Variants in IRF8 observed in about 807,000 individuals in gnomAD.
IRF8 encodes interferon consensus sequence binding protein 1.
A neutral mutation model predicts 48.7 loss-of-function variants in IRF8; 14 were observed. The observed-to-expected ratio is 0.29, with a 90% confidence interval of 0.19 to 0.45. The LOEUF is 0.45. IRF8 is among the 20% of genes least tolerant of loss of function. The pLI is 1.00. For synonymous variants in IRF8, 278 were observed against 227.3 expected (o/e 1.22, Z -2.01); for missense variants, 493 against 580.7 (o/e 0.85, Z 1.55).
Position 85,918,485 on chromosome 16 carries a change from C to A in IRF8, c.670C>A (p.Pro224Thr), listed in dbSNP as rs769407228. 32 of 1,591,300 alleles carry A rather than the reference C, an allele frequency of 2.0e-5. No homozygotes were observed. The highest frequency in any genetic ancestry group is 5.6e-5 in the South Asian group (5 of 89,880). The change falls in exon 7 of 9, where the codon CCC becomes ACC. Residue 224 changes from proline to threonine, a missense_variant. Transcript: ENST00000268638. ...KLVGQATTTC[P>T]EGCRLSLSQP... is the part of the protein sequence containing the mutation. ...GGTGGGCCAGGCCACCACCACCTGC[C>A]CCGAGGGCTGCCGCCTGTCCCTGAG...
At chr16:85,901,100 T>G (rs954231607) in intron 1 of IRF8, 1 of 152,466 alleles carries the variant, frequency 6.6e-6, no homozygotes, top group African/African-American at 2.4e-5. Flanking sequence ...GCTAACTTGT[T>G]TTCGGGGAGT....
rs1310226478 is a variant in IRF8 at position 85,918,644 on chromosome 16, G to A, written c.829G>A (p.Gly277Arg). The stretch of plus-strand genomic sequence containing the variant: ...GAAGCTGTTCGGGCACCTGGAGCGC[G>A]GGGTGCTGCTGCACAGCAGCCGGCA... ...TRKLFGHLER[G>R]VLLHSSRQGV... is the part of the protein sequence containing the mutation. Residue 277 changes from glycine (G) to arginine (R), a missense_variant, in exon 7 of 9, where the codon GGG becomes AGG. Physicochemically the swap from Gly to Arg is moderately radical, Grantham distance 125. Coordinates refer to ENST00000268638, the MANE Select transcript of IRF8 (RefSeq NM_002163.4). 4 of 1,609,284 alleles carry A rather than the reference G, an allele frequency of 2.5e-6. No individual in the cohort carries two copies. Among genetic ancestry groups the A allele is most frequent in the East Asian group, 2.2e-5 (1 of 44,890 alleles).
intron 5 of IRF8, among the ~76,000 whole-genome samples, chr16:85,913,692 C>G (rs950389593): frequency 1.7e-4 from 26 of 152,220 alleles, no homozygotes; most frequent in African/African-American, 6.0e-4. Context: ...AGAACTCAGA[C>G]CAGGAACAGG....
chr16:85,911,708 A>T lies in IRF8; in HGVS notation c.447+50A>T, dbSNP rs1471348160. On this transcript the variant is annotated intron_variant, in intron 4 of 8. Transcript: ENST00000268638. ...GTCTGGCCCTGCCAGGAGGAGTCTC[A>T]TGTCTTCTGGCAGGGAGGGGCACCG... 4.6e-6 allele frequency: 7 copies of T among 1,516,920 alleles called. No individual in the cohort carries two copies. In the African/African-American group the frequency reaches 8.2e-5, roughly 18 times the overall value. The allele number at this position is 1,516,920 out of a possible 1,614,324, so 94.0% of individuals were successfully genotyped here.
At chr16:85,917,229 A>G (rs1362091573) in intron 6 of IRF8, among the ~76,000 whole-genome samples, 1 of 152,204 alleles carries the variant, frequency 6.6e-6, no homozygotes, top group Admixed American at 6.5e-5. Flanking sequence ...TCCACAAGGC[A>G]GCCTCGAACC....
At chr16:85,917,225 A>AG (rs908964922) in intron 6 of IRF8, among the ~76,000 whole-genome samples, 15 of 152,216 alleles carry the variant, frequency 9.9e-5, no homozygotes, top group African/African-American at 3.4e-4. Context: ...TGGCTCCACA[A>AG]GGCAGCCTCG....
chr16:85,899,644 C>T (rs936479036), intron 1 of IRF8, among the ~76,000 whole-genome samples: 2 of 152,104 alleles, frequency 1.3e-5, no homozygotes, highest in Non-Finnish European at 2.9e-5. Context: ...CCAGTCGTTA[C>T]TGAGGGTTAG....
intron 2 of IRF8, among the ~76,000 whole-genome samples, chr16:85,906,221 C>A (rs1270465204): frequency 6.6e-6 from 1 of 152,146 alleles, no homozygotes; most frequent in Non-Finnish European, 1.5e-5. Flanking sequence ...ATGAAACAAT[C>A]ATATTAAATT....
At chr16:85,909,215 C>G in intron 3 of IRF8, 42 bp downstream of exon 3, 3 of 1,567,846 alleles carry the variant, frequency 1.9e-6, no homozygotes, top group Non-Finnish European at 2.6e-6. Context: ...AGAAGCTGCC[C>G]TGGCCTGTAG....
At chr16:85,905,638 G>C (rs1904976793) in intron 2 of IRF8, among the ~76,000 whole-genome samples, 1 of 152,182 alleles carries the variant, frequency 6.6e-6, no homozygotes, top group Admixed American at 6.5e-5. Context: ...CCTGAGCTAT[G>C]CTTCTTCCCA....
chr16:85,916,629 T>G (rs1905316842), intron 6 of IRF8, among the ~76,000 whole-genome samples: 1 of 152,156 alleles, frequency 6.6e-6, no homozygotes, highest in Non-Finnish European at 1.5e-5. Context: ...AGCTGCCAGT[T>G]CACATGACTG....
At chr16:85,899,649 G>A (rs1904763147) in intron 1 of IRF8, among the ~76,000 whole-genome samples, 1 of 152,134 alleles carries the variant, frequency 6.6e-6, no homozygotes, top group Non-Finnish European at 1.5e-5. Flanking sequence ...CGTTACTGAG[G>A]GTTAGTTTGT....
At chr16:85,913,306 G>A (rs938470860) in intron 5 of IRF8, 70 bp downstream of exon 5, 2 of 1,080,506 alleles carry the variant, frequency 1.9e-6, no homozygotes, top group Admixed American at 3.4e-5. Flanking sequence ...ACCAGCCAGG[G>A]ACGGAGTGGG....
At chr16:85,916,868 G>C (rs1905326322) in intron 6 of IRF8, among the ~76,000 whole-genome samples, 1 of 152,258 alleles carries the variant, frequency 6.6e-6, no homozygotes, top group Middle Eastern at 3.4e-3. Context: ...ATGGTGAGCA[G>C]GGAAGAGCGA....
At chr16:85,912,781 T>A (rs917632484) in intron 4 of IRF8, among the ~76,000 whole-genome samples, 4 of 152,242 alleles carry the variant, frequency 2.6e-5, no homozygotes, top group Non-Finnish European at 5.9e-5. Context: ...TTGGCCAGCA[T>A]CACTGTTCAC....
chr16:85,911,576 T>G lies in IRF8; in HGVS notation c.365T>G (p.Leu122Arg). ...IVPEEEQKCK[L>R]GVATAGCVNE... ...TTTGTCTGGTTTTCTGTAGGCAAACTAGGCGTGGCAACTGCTGGCTGCGTG... is the reference window on the plus strand; with the variant it reads ...TTTGTCTGGTTTTCTGTAGGCAAACGAGGCGTGGCAACTGCTGGCTGCGTG... The change falls in exon 4 of 9, where the codon CTA becomes CGA. Residue 122 changes from leucine to arginine, a missense_variant. Leu to Arg is a moderately radical substitution (Grantham distance 102). Around this residue, in one of 3 missense-constraint regions of IRF8, gnomAD observed 408 missense variants for 449.6 expected, o/e 0.91. Transcript: ENST00000268638. The G allele has an allele frequency of 6.2e-7, 1 of 1,614,026 alleles. No individual in the cohort carries two copies. Among genetic ancestry groups the G allele is most frequent in the Non-Finnish European group, 8.5e-7 (1 of 1,179,878 alleles).
chr16:85,903,525 C>T (rs1319949192), intron 2 of IRF8: 1 of 351,378 alleles, frequency 2.8e-6, no homozygotes, highest in Non-Finnish European at 5.4e-6. Context: ...CCACGGGCTT[C>T]CATTAGAGGC....
In IRF8 at chr16:85,918,217, T is replaced by A. The variant is rs1905383536; in HGVS notation, c.602-200T>A. On this transcript the variant is annotated intron_variant, in intron 6 of 8. Coordinates refer to ENST00000268638, the MANE Select transcript of IRF8 (RefSeq NM_002163.4). ...TAGTTAATATGTTCAGTCATTGGTTTCCTTAGTCATTCTGTGTATTTATTC... is the reference window on the plus strand; with the variant it reads ...TAGTTAATATGTTCAGTCATTGGTTACCTTAGTCATTCTGTGTATTTATTC... The A allele has an allele frequency of 2.5e-5, 15 of 598,626 alleles. No individual in the cohort carries two copies. In the South Asian group the frequency reaches 3.4e-4, roughly 14 times the overall value. The allele number at this position is 598,626 out of a possible 1,614,324, so 37.1% of individuals were successfully genotyped here.
rs1905569212 is a variant in IRF8 at position 85,921,486 on chromosome 16, C to T, written c.*204C>T. On this transcript the variant is annotated 3_prime_UTR_variant, in exon 9 of 9. Coordinates refer to ENST00000268638, the MANE Select transcript of IRF8 (RefSeq NM_002163.4). Reference sequence around the variant, plus strand: ...GCCCTGCCGAGATGTCGGTGATGGCCTGGATGCTGTAACCACAACCTGTGG... The same window carrying T: ...GCCCTGCCGAGATGTCGGTGATGGCTTGGATGCTGTAACCACAACCTGTGG... 7 of 620,610 alleles carry T rather than the reference C, an allele frequency of 1.1e-5. No individual in the cohort carries two copies. The highest frequency in any genetic ancestry group is 1.1e-4 in the East Asian group (4 of 35,526). 38.4% of individuals were successfully genotyped at this position (620,610 alleles called of 1,614,324 possible).
Sources: gnomAD v4.1 joint callset for allele counts (sites outside exome capture counted in the v4.1 genomes callset) on GRCh38, gnomAD v4.1.1 for gene constraint, gnomAD v4.1.1 regional missense constraint, MANE v1.5 for transcripts, NCBI Gene and HGNC (gene_info 2026-07-23, HGNC 2026-07-21) for gene names.